Variants in PKHD1 observed in about 807,000 individuals in gnomAD.
PKHD1 encodes fibrocystin.
A neutral mutation model predicts 412.0 loss-of-function variants in PKHD1; 291 were observed. That is an observed-to-expected ratio of 0.71 (90% CI 0.64 to 0.78). The LOEUF is 0.78. PKHD1 is among the 30% of genes least tolerant of loss of function. The probability of loss-of-function intolerance (pLI) is 0.00; values close to 1 mark genes in which losing one functional copy is unlikely to be tolerated. For synonymous variants in PKHD1, 1,777 were observed against 1,821.5 expected, an observed-to-expected ratio of 0.98 and a Z score of 0.62; for missense variants, 4,825 against 4,950.7, an observed-to-expected ratio of 0.97 and a Z score of 0.76.
At position 51,661,962 on chromosome 6, in the gene PKHD1, G is replaced by T. The variant is rs1006258385; in HGVS notation, c.10157-1993C>A. On this transcript the variant is annotated intron_variant, in intron 60 of 66. Coordinates refer to ENST00000371117, the MANE Select transcript of PKHD1 (RefSeq NM_138694.4). ...ATAAATCTATGCTAAACCTGACCAT[G>T]GTGTTAATAAATTTAACTACCAAAT... Among the ~76,000 whole-genome samples, 6 of 151,924 alleles carry T rather than the reference G, an allele frequency of 3.9e-5. No homozygotes were observed. The East Asian group carries it at 9.7e-4, about 25-fold the overall frequency.
intron 53 of PKHD1, among the ~76,000 whole-genome samples, chr6:51,777,843 C>T (rs1469623984): frequency 6.6e-6 from 1 of 152,010 alleles, no homozygotes; most frequent in Non-Finnish European, 1.5e-5. Flanking sequence ...AATTATGCAA[C>T]CCAACACTGC....
chr6:51,782,049 TTA>T (rs1554236361), intron 53 of PKHD1, among the ~76,000 whole-genome samples: 48 of 27,472 alleles, frequency 1.7e-3, no homozygotes, highest in Non-Finnish European at 4.6e-3. Context: ...TATAATAAAT[TTA>T]TATGATTAAT....
intron 53 of PKHD1, among the ~76,000 whole-genome samples, chr6:51,782,645 T>A (rs1792213612): frequency 6.6e-6 from 1 of 152,220 alleles, no homozygotes; most frequent in African/African-American, 2.4e-5. Context: ...TTTGCAGGTA[T>A]CTATGTACAC....
chr6:51,969,240 A>T (rs1080078), intron 35 of PKHD1, among the ~76,000 whole-genome samples: 1 of 151,726 alleles, frequency 6.6e-6, no homozygotes, highest in East Asian at 1.9e-4. Flanking sequence ...AAGAAAATGA[A>T]GACCTAAATC....
intron 36 of PKHD1, among the ~76,000 whole-genome samples, chr6:51,944,809 C>T (rs945342689): frequency 1.6e-4 from 25 of 152,182 alleles, no homozygotes; most frequent in Admixed American, 1.4e-3. Flanking sequence ...AAGAACCCAC[C>T]GGGTGATTAT....
chr6:52,070,544 T>C, intron 9 of PKHD1, 99 bp from the exon 10 acceptor site: 1 of 847,652 alleles, frequency 1.2e-6, no homozygotes, highest in Non-Finnish European at 2.0e-6. Context: ...TATCATCAAA[T>C]TACCACCCAA....
chr6:51,870,418 G>T, intron 47 of PKHD1, 86 bp downstream of exon 47: 2 of 1,103,686 alleles, frequency 1.8e-6, no homozygotes, highest in South Asian at 1.3e-5. Context: ...AAGAGATAAT[G>T]ATTCACAAAG....
chr6:51,903,832 CATAT>C lies in PKHD1; in HGVS notation c.6866-109_6866-106del, dbSNP rs66966800. 0.033 allele frequency: 14,242 copies of C among 430,212 alleles called. 504 individuals are homozygous for C. Among genetic ancestry groups the C allele is most frequent in the African/African-American group, 0.14 (5,552 of 39,862 alleles). The allele number at this position is 430,212 out of a possible 1,614,324, so 26.6% of individuals were successfully genotyped here. A position where few individuals can be genotyped will look rare whatever the true frequency, so the allele number is the denominator to read the frequency against. ...ACATCAGAGTTCACATAATGCATTT[CATAT>C]ATATATATATATATATATATATATT... On this transcript the variant is annotated intron_variant, in intron 42 of 66. Coordinates refer to ENST00000371117, the MANE Select transcript of PKHD1 (RefSeq NM_138694.4).
intron 53 of PKHD1, among the ~76,000 whole-genome samples, chr6:51,782,628 CATCTATTTTGCAGGT>C (rs1792211473): frequency 6.6e-6 from 1 of 152,096 alleles, no homozygotes; most frequent in Non-Finnish European, 1.5e-5. Context: ...CTGAACTAAC[CATCTATTTTGCAGGT>C]ATCTATGTAC....
At chr6:51,747,648 G>T (rs566382395) in intron 58 of PKHD1, 139 bp downstream of exon 58, 2 of 705,002 alleles carry the variant, frequency 2.8e-6, no homozygotes, top group South Asian at 1.6e-5. Context: ...TACCATTGTG[G>T]CTATCAATAC....
At chr6:51,924,027 G>A (rs1026227299) in intron 37 of PKHD1, among the ~76,000 whole-genome samples, 1 of 152,222 alleles carries the variant, frequency 6.6e-6, no homozygotes, top group Non-Finnish European at 1.5e-5. Context: ...AGAGTTAAAT[G>A]AGAGTAAAGA....
At chr6:51,778,207 C>T (rs1250227563) in intron 53 of PKHD1, among the ~76,000 whole-genome samples, 7 of 152,074 alleles carry the variant, frequency 4.6e-5, no homozygotes, top group Admixed American at 2.6e-4. Context: ...ACAGAAGATG[C>T]TCAGGATACG....
Position 51,824,914 on chromosome 6 carries a change from C to T in PKHD1, c.8302+5947G>A, listed in dbSNP as rs147959899. Among the ~76,000 whole-genome samples, 282 of 152,158 alleles carry T rather than the reference C, an allele frequency of 1.9e-3. 1 individual carries two copies. Among genetic ancestry groups the T allele is most frequent in the African/African-American group, 6.1e-3 (254 of 41,522 alleles). On this transcript the variant is annotated intron_variant, in intron 52 of 66. Coordinates refer to ENST00000371117, the MANE Select transcript of PKHD1 (RefSeq NM_138694.4). The stretch of plus-strand genomic sequence containing the variant: ...GGCCCAATTATGTTTGGAGAGTTGA[C>T]AAATACCACTTTCAGGCAGAGAAGA...
Position 51,855,929 on chromosome 6 carries a change from C to T in PKHD1, c.7875G>A (p.Leu2625=), listed in dbSNP as rs1183362549. Residue 2625 remains leucine, a synonymous_variant, in exon 49 of 67, where the codon TTG becomes TTA. Coordinates refer to ENST00000371117, the MANE Select transcript of PKHD1 (RefSeq NM_138694.4). The part of the protein sequence containing the change: ...ALLLDQETYS[L]QSENLWINRS... ...TGTTGATCCAAAGGTTCTCAGATTG[C>T]AATGAGTAGGTCTCTTGGTCCAAGA... The T allele has an allele frequency of 6.2e-7, 1 of 1,614,032 alleles. No homozygotes were observed. Among genetic ancestry groups the T allele is most frequent in the Non-Finnish European group, 8.5e-7 (1 of 1,179,858 alleles).
chr6:51,683,659 T>G (rs1777012662), intron 60 of PKHD1, among the ~76,000 whole-genome samples: 1 of 152,030 alleles, frequency 6.6e-6, no homozygotes, highest in Admixed American at 6.6e-5. Context: ...TTTTATTCCA[T>G]CACATCAGAT....
intron 52 of PKHD1, among the ~76,000 whole-genome samples, chr6:51,807,817 G>A (rs541262975): frequency 6.4e-4 from 97 of 152,148 alleles, no homozygotes; most frequent in Middle Eastern, 3.4e-3. Context: ...CATGCAGGGT[G>A]AGAAACTTCA....
intron 60 of PKHD1, among the ~76,000 whole-genome samples, chr6:51,664,576 T>C (rs1773407616): frequency 6.6e-6 from 1 of 152,206 alleles, no homozygotes; most frequent in Non-Finnish European, 1.5e-5. Flanking sequence ...TAAACATTTA[T>C]TTGGATTCCT....
intron 60 of PKHD1, among the ~76,000 whole-genome samples, chr6:51,712,531 A>G (rs1044638879): frequency 6.6e-6 from 1 of 152,192 alleles, no homozygotes; most frequent in Non-Finnish European, 1.5e-5. Context: ...TAATTTTAAT[A>G]TTGATTATTT....
chr6:51,989,917 A>AGGGAGGG (rs1562072557), intron 35 of PKHD1, among the ~76,000 whole-genome samples: 1 of 101,328 alleles, frequency 9.9e-6, no homozygotes, highest in African/African-American at 3.7e-5. Context: ...GGAAGGAAGG[A>AGGGAGGG]AGGAAGGAAG....
Sources: allele counts gnomAD v4.1 joint callset (sites outside exome capture counted in the v4.1 genomes callset), GRCh38; gene constraint gnomAD v4.1.1; transcripts MANE v1.5; gene names NCBI Gene and HGNC (gene_info 2026-07-23, HGNC 2026-07-21).